FRY: variants seen among roughly 807,000 people sequenced by gnomAD.
FRY encodes the protein FRY microtubule binding protein, also known as protein furry homolog.
Under a neutral mutation model 348.4 loss-of-function variants are expected in FRY, and 128 were observed. That is an observed-to-expected ratio of 0.37 (90% CI 0.32 to 0.43). FRY has a LOEUF of 0.43. Ranked by LOEUF, FRY falls within the 20% of genes least tolerant of loss-of-function variation. The pLI, the probability that FRY is intolerant of heterozygous loss-of-function variation, is 1.00. For synonymous variants in FRY, 1,370 were observed against 1,374.7 expected (o/e 1.00, Z 0.08); for missense variants, 2,736 against 3,695.2 (o/e 0.74, Z 6.73).
intron 29 of FRY, 131 bp from the exon 30 acceptor site, chr13:32,201,810 C>T (rs1369710664): frequency 3.0e-6 from 2 of 676,132 alleles, no homozygotes; most frequent in Non-Finnish European, 5.4e-6. Context: ...CAAAAAATGG[C>T]CAGACGGGGG....
chr13:32,224,498 G>A (rs1372554258), intron 37 of FRY, 113 bp downstream of exon 37: 1 of 939,052 alleles, frequency 1.1e-6, no homozygotes, highest in African/African-American at 1.6e-5. Context: ...TTATCAATCA[G>A]TGGGATCCTG....
At chr13:32,085,909 C>T (rs1156373172) in intron 2 of FRY, 1 of 518,956 alleles carries the variant, frequency 1.9e-6, no homozygotes, top group Non-Finnish European at 3.8e-6. Flanking sequence ...TCCAGGTGCT[C>T]ATGCTTTGGG....
intron 31 of FRY, among the ~76,000 whole-genome samples, chr13:32,205,934 G>A (rs1381149382): frequency 6.6e-6 from 1 of 151,802 alleles, no homozygotes; most frequent in Non-Finnish European, 1.5e-5. Flanking sequence ...GCGAAAAGCT[G>A]CCAAGCAGAG....
At position 32,210,860 on chromosome 13, in the gene FRY, T is replaced by C. The variant is rs763336545; in HGVS notation, c.4423-6T>C. The C allele has an allele frequency of 6.2e-6, 10 of 1,613,024 alleles. No individual in the cohort carries two copies. In the South Asian group the frequency reaches 1.1e-4, roughly 18 times the overall value. ...AACATCCCTTGTTTTCTTTTTTCCT[T>C]CTCAGATTAAAAAAGTGGCAATATA... is the stretch of plus-strand genomic sequence containing the variant. On this transcript the variant is annotated splice_polypyrimidine_tract_variant and splice_region_variant and intron_variant, in intron 33 of 60. Coordinates refer to ENST00000542859, the MANE Select transcript of FRY (RefSeq NM_023037.3).
At chr13:32,142,002 G>T (rs1219447174) in intron 11 of FRY, among the ~76,000 whole-genome samples, 2 of 151,540 alleles carry the variant, frequency 1.3e-5, no homozygotes, top group African/African-American at 4.9e-5. Flanking sequence ...GATTCCAACA[G>T]AAGAATGGTT....
intron 31 of FRY, among the ~76,000 whole-genome samples, chr13:32,204,461 A>T (rs768332404): frequency 3.3e-5 from 5 of 152,254 alleles, no homozygotes; most frequent in Non-Finnish European, 5.9e-5. Context: ...GCCAAGGGGC[A>T]GGGGAAAAAA....
At chr13:32,273,283 G>A (rs1358289821) in intron 55 of FRY, among the ~76,000 whole-genome samples, 4 of 148,394 alleles carry the variant, frequency 2.7e-5, no homozygotes, top group African/African-American at 7.5e-5. Context: ...GTGCAGTGGC[G>A]CAATCTCGGC....
At chr13:32,292,828 A>ATAAATAAG (rs57019794) in intron 59 of FRY, among the ~76,000 whole-genome samples, 1 of 151,586 alleles carries the variant, frequency 6.6e-6, no homozygotes, top group African/African-American at 2.4e-5. Flanking sequence ...AAATAAATAA[A>ATAAATAAG]GCAAACTTCA....
intron 51 of FRY, among the ~76,000 whole-genome samples, chr13:32,257,274 G>A (rs887928759): frequency 3.3e-5 from 5 of 152,170 alleles, no homozygotes; most frequent in African/African-American, 1.2e-4. Flanking sequence ...GTAAATGTGA[G>A]TCTCCTTGTA....
At chr13:32,153,140 A>G (rs1046523647) in intron 14 of FRY, among the ~76,000 whole-genome samples, 2 of 152,160 alleles carry the variant, frequency 1.3e-5, no homozygotes, top group African/African-American at 4.8e-5. Flanking sequence ...AAAATTTGGC[A>G]ATTTCTTTTA....
intron 2 of FRY, among the ~76,000 whole-genome samples, chr13:32,098,220 C>T (rs1876891161): frequency 6.6e-6 from 1 of 151,936 alleles, no homozygotes; most frequent in Admixed American, 6.5e-5. Flanking sequence ...TATGGGTAAA[C>T]AAACATTTTC....
chr13:32,091,554 G>A (rs1046091457), intron 2 of FRY, among the ~76,000 whole-genome samples: 2 of 152,196 alleles, frequency 1.3e-5, no homozygotes, highest in African/African-American at 4.8e-5. Context: ...GAGTGCCTGC[G>A]GCTGGGTGTA....
intron 41 of FRY, among the ~76,000 whole-genome samples, chr13:32,233,865 A>G (rs1886061729): frequency 6.6e-6 from 1 of 152,242 alleles, no homozygotes; most frequent in African/African-American, 2.4e-5. Context: ...ATAAGGAAAC[A>G]GGCTCATGGA....
chr13:32,232,209 C>T (rs867744742), intron 41 of FRY, among the ~76,000 whole-genome samples: 11 of 152,148 alleles, frequency 7.2e-5, no homozygotes, highest in African/African-American at 2.7e-4. Flanking sequence ...GTATGTAAAC[C>T]ATTAATTAAT....
intron 13 of FRY, among the ~76,000 whole-genome samples, chr13:32,148,177 A>G (rs1006783398): frequency 1.3e-5 from 2 of 152,346 alleles, no homozygotes; most frequent in Non-Finnish European, 2.9e-5. Flanking sequence ...AAACAGAGAC[A>G]GAGTTTAAGT....
intron 1 of FRY, among the ~76,000 whole-genome samples, chr13:32,042,587 A>G (rs964338142): frequency 1.3e-5 from 2 of 152,268 alleles, no homozygotes; most frequent in Non-Finnish European, 1.5e-5. Context: ...AGACCATCCA[A>G]TCTCTGGACT....
intron 39 of FRY, among the ~76,000 whole-genome samples, chr13:32,227,140 C>T (rs1566148564): frequency 6.6e-6 from 1 of 152,114 alleles, no homozygotes; most frequent in Admixed American, 6.6e-5. Flanking sequence ...TTACCAAAAA[C>T]GCATACAATA....
intron 1 of FRY, among the ~76,000 whole-genome samples, chr13:32,066,097 C>G (rs763276903): frequency 2.0e-5 from 3 of 152,132 alleles, no homozygotes; most frequent in Non-Finnish European, 2.9e-5. Context: ...TTTTTATAAT[C>G]CTAAAAGGTC....
chr13:32,167,212 G>T (rs1254048979), intron 17 of FRY, among the ~76,000 whole-genome samples: 1 of 152,134 alleles, frequency 6.6e-6, no homozygotes, highest in African/African-American at 2.4e-5. Context: ...ATATTGGTTT[G>T]CTAGGGCTGC....
Sources: allele counts gnomAD v4.1 joint callset (sites outside exome capture counted in the v4.1 genomes callset), GRCh38; gene constraint gnomAD v4.1.1; transcripts MANE v1.5; gene names NCBI Gene and HGNC (gene_info 2026-07-23, HGNC 2026-07-21).